FAM227B: variants seen among roughly 807,000 people sequenced by gnomAD.
FAM227B encodes the protein family with sequence similarity 227 member B, also known as protein FAM227B.
FAM227B carries 88 observed loss-of-function variants against 73.8 expected under a neutral mutation model. The observed-to-expected ratio is 1.19, with a 90% CI of 1.00 to 1.42. The LOEUF is 1.42. Ranked by LOEUF, FAM227B falls within the 40% of genes most tolerant of loss-of-function variation. The probability of loss-of-function intolerance (pLI) is 0.00; values close to 1 mark genes in which losing one functional copy is unlikely to be tolerated. For synonymous variants in FAM227B, 210 were observed against 190.5 expected, an observed-to-expected ratio of 1.10 and a Z score of -0.84; for missense variants, 632 against 590.9, an observed-to-expected ratio of 1.07 and a Z score of -0.72.
At chr15:49,383,071 G>A (rs896973430) in intron 11 of FAM227B, among the ~76,000 whole-genome samples, 1 of 151,930 alleles carries the variant, frequency 6.6e-6, no homozygotes, top group Non-Finnish European at 1.5e-5. Flanking sequence ...CCATTCTTGT[G>A]TAATCTTAGC....
chr15:49,360,772 TAATG>T (rs1275126959), intron 13 of FAM227B, among the ~76,000 whole-genome samples: 2 of 152,206 alleles, frequency 1.3e-5, no homozygotes, highest in Non-Finnish European at 2.9e-5. Context: ...AATGTTCTGC[TAATG>T]AATTAGTGTA....
intron 11 of FAM227B, among the ~76,000 whole-genome samples, chr15:49,472,021 A>G (rs1597411126): frequency 2.9e-3 from 1 of 346 alleles, no homozygotes; most frequent in African/African-American, 0.022. Context: ...TTTAGAAGTG[A>G]AAAAAAAAAA....
At chr15:49,600,352 T>TTC (rs991759432) in intron 3 of FAM227B, among the ~76,000 whole-genome samples, 1 of 130,220 alleles carries the variant, frequency 7.7e-6, no homozygotes, top group African/African-American at 2.5e-5. Flanking sequence ...CTTTCTTTCT[T>TTC]TTTTTTTTTT....
At chr15:49,342,477 T>C (rs1019841473) in intron 13 of FAM227B, among the ~76,000 whole-genome samples, 2 of 152,196 alleles carry the variant, frequency 1.3e-5, no homozygotes, top group Admixed American at 6.5e-5. Context: ...TCTTGTTCTT[T>C]TATCCAACTT....
At chr15:49,489,841 T>TA (rs2056827571) in intron 11 of FAM227B, among the ~76,000 whole-genome samples, 2 of 23,000 alleles carry the variant, frequency 8.7e-5, no homozygotes, top group South Asian at 1.7e-3. Context: ...TATATATATT[T>TA]TATATATATA....
In FAM227B at chr15:49,479,899, C is replaced by T. The variant is rs181489482; in HGVS notation, c.1012+28312G>A. 2.4e-4 allele frequency among the ~76,000 whole-genome samples: 36 copies of T among 152,278 alleles called. No individual in the cohort carries two copies. In the East Asian group the frequency reaches 4.1e-3, roughly 17 times the overall value. On this transcript the variant is annotated intron_variant, in intron 11 of 15. Transcript: ENST00000299338. ...AAAGTGCTGGGATTACAGGCGTGAG[C>T]CACTGCGCTCCGCCCATAGTTAACA...
chr15:49,458,633 A>AT (rs1194527891), intron 11 of FAM227B, among the ~76,000 whole-genome samples: 1 of 152,084 alleles, frequency 6.6e-6, no homozygotes, highest in East Asian at 1.9e-4. Flanking sequence ...ATGTTCCCAT[A>AT]TTTTCTGACT....
intron 11 of FAM227B, chr15:49,395,864 T>A: frequency 2.2e-6 from 1 of 447,310 alleles, no homozygotes; most frequent in Non-Finnish European, 4.5e-6. Context: ...TAGAATTGAA[T>A]CTCTCTAAAT....
intron 11 of FAM227B, among the ~76,000 whole-genome samples, chr15:49,447,538 C>T (rs926175186): frequency 6.6e-6 from 1 of 151,676 alleles, no homozygotes; most frequent in Non-Finnish European, 1.5e-5. Context: ...GTCTTGGTAG[C>T]ATATGCGTTG....
chr15:49,412,762 T>G (rs887788779), intron 11 of FAM227B, among the ~76,000 whole-genome samples: 2 of 152,116 alleles, frequency 1.3e-5, no homozygotes, highest in African/African-American at 4.8e-5. Flanking sequence ...TTAAAATGCA[T>G]AGTCAATACT....
At chr15:49,460,019 C>A (rs2053651688) in intron 11 of FAM227B, among the ~76,000 whole-genome samples, 1 of 152,144 alleles carries the variant, frequency 6.6e-6, no homozygotes, top group Non-Finnish European at 1.5e-5. Flanking sequence ...TCACTTTCTT[C>A]CCTTGACACC....
At chr15:49,329,039 T>C (rs993006765) in intron 15 of FAM227B, 4 of 1,004,766 alleles carry the variant, frequency 4.0e-6, no homozygotes, top group Admixed American at 1.1e-4. Flanking sequence ...CTACTTTTTC[T>C]CAAATACCTC....
At chr15:49,607,559 T>A (rs1447174096) in intron 3 of FAM227B, among the ~76,000 whole-genome samples, 2 of 152,204 alleles carry the variant, frequency 1.3e-5, no homozygotes, top group African/African-American at 2.4e-5. Context: ...AAAGATGTTA[T>A]AATATGTACA....
At chr15:49,360,114 A>G (rs1352497194) in intron 13 of FAM227B, among the ~76,000 whole-genome samples, 1 of 149,382 alleles carries the variant, frequency 6.7e-6, no homozygotes, top group African/African-American at 2.5e-5. Context: ...GGGGAGGGAT[A>G]GCATCAGGAG....
chr15:49,351,855 G>A (rs554875957), intron 13 of FAM227B, among the ~76,000 whole-genome samples: 1 of 152,144 alleles, frequency 6.6e-6, no homozygotes, highest in African/African-American at 2.4e-5. Context: ...AGTGGATGTG[G>A]GCTAGCTTGG....
At chr15:49,476,013 C>T (rs998781555) in intron 11 of FAM227B, among the ~76,000 whole-genome samples, 14 of 152,092 alleles carry the variant, frequency 9.2e-5, no homozygotes, top group Admixed American at 8.5e-4. Context: ...TAGTTTCAAT[C>T]TTCTGAACAT....
chr15:49,496,139 T>G (rs978272097), intron 11 of FAM227B, among the ~76,000 whole-genome samples: 5 of 152,212 alleles, frequency 3.3e-5, no homozygotes, highest in African/African-American at 9.6e-5. Context: ...ACATGTCATT[T>G]GCTAAATATC....
intron 11 of FAM227B, among the ~76,000 whole-genome samples, chr15:49,432,458 T>G (rs888772153): frequency 1.3e-5 from 2 of 151,692 alleles, no homozygotes; most frequent in African/African-American, 4.8e-5. Context: ...GAAAAGAGTA[T>G]ACATGATTTC....
At chr15:49,532,296 G>A (rs542960800) in intron 10 of FAM227B, among the ~76,000 whole-genome samples, 3 of 151,578 alleles carry the variant, frequency 2.0e-5, no homozygotes, top group Admixed American at 6.6e-5. Context: ...AAAAATTATA[G>A]TTAAACATCA....
Sources: allele counts gnomAD v4.1 joint callset (sites outside exome capture counted in the v4.1 genomes callset), GRCh38; gene constraint gnomAD v4.1.1; transcripts MANE v1.5; gene names NCBI Gene and HGNC (gene_info 2026-07-23, HGNC 2026-07-21).